Variants in TASP1 observed in about 807,000 individuals in gnomAD.
TASP1 encodes threonine aspartase 1.
In TASP1, 16 loss-of-function variants were observed where a neutral mutation model predicts 56.6. That is an observed-to-expected ratio of 0.28 (90% confidence interval 0.19 to 0.43). TASP1 has a LOEUF of 0.43. Ranked by LOEUF, TASP1 falls within the 20% of genes least tolerant of loss-of-function variation. The pLI is 1.00. For synonymous variants in TASP1, 179 were observed against 184.2 expected (o/e 0.97, Z 0.23); for missense variants, 393 against 511.6 (o/e 0.77, Z 2.24).
At chr20:13,483,873 C>A (rs1487276849) in intron 10 of TASP1, among the ~76,000 whole-genome samples, 1 of 152,132 alleles carries the variant, frequency 6.6e-6, no homozygotes, top group East Asian at 1.9e-4. Flanking sequence ...GAACAGGCAA[C>A]CTACAGAATG....
chr20:13,262,436 T>G, the TASP1 span, among the ~76,000 whole-genome samples: 1 of 152,064 alleles, frequency 6.6e-6, no homozygotes, highest in African/African-American at 2.4e-5. Flanking sequence ...ATGTTTTAGG[T>G]GATGTGTGAA....
chr20:13,192,494 C>G, the TASP1 span, among the ~76,000 whole-genome samples: 2 of 152,058 alleles, frequency 1.3e-5, no homozygotes, highest in African/African-American at 4.8e-5. Context: ...GAGCTCTGAT[C>G]AATGCACTCT....
the TASP1 span, among the ~76,000 whole-genome samples, chr20:13,379,040 C>G: frequency 4.6e-5 from 7 of 151,916 alleles, no homozygotes. Flanking sequence ...TTTGCCTCTC[C>G]GTGTCTTTTA....
At chr20:13,521,328 T>A (rs1452296942) in intron 10 of TASP1, among the ~76,000 whole-genome samples, 2 of 152,226 alleles carry the variant, frequency 1.3e-5, no homozygotes, top group East Asian at 1.9e-4. Flanking sequence ...TGCACACGTA[T>A]GTTTACTGTG....
chr20:13,305,922 C>T, the TASP1 span, among the ~76,000 whole-genome samples: 7 of 152,270 alleles, frequency 4.6e-5, no homozygotes, highest in South Asian at 4.1e-4. Flanking sequence ...TAACATCATC[C>T]TCAACCATTT....
intron 4 of TASP1, among the ~76,000 whole-genome samples, chr20:13,590,989 G>A (rs987653985): frequency 1.3e-5 from 2 of 150,636 alleles, no homozygotes; most frequent in East Asian, 1.9e-4. Context: ...AGCAATAAAC[G>A]TAATAATACA....
At chr20:13,462,880 C>T (rs1455668839) in intron 11 of TASP1, among the ~76,000 whole-genome samples, 3 of 151,836 alleles carry the variant, frequency 2.0e-5, no homozygotes, top group Non-Finnish European at 2.9e-5. Flanking sequence ...ATTAAAGGTA[C>T]AAAAAATGGA....
rs1382251009 is a variant in TASP1 at position 13,431,120 on chromosome 20, G to C, written c.1096+3924C>G. On this transcript the variant is annotated intron_variant, in intron 12 of 13. Coordinates refer to ENST00000337743, the MANE Select transcript of TASP1 (RefSeq NM_017714.3). ...AAAAAGTGATTAACAATACACAGCA[G>C]TTAAGTTTTTTTTTTTAATTTTGGA... 2.0e-5 allele frequency among the ~76,000 whole-genome samples: 3 copies of C among 151,820 alleles called. No individual in the cohort carries two copies. In the South Asian group the frequency reaches 6.2e-4, roughly 32 times the overall value.
chr20:13,387,352 C>T (rs2041171661), downstream of TASP1, among the ~76,000 whole-genome samples: 1 of 151,908 alleles, frequency 6.6e-6, no homozygotes. Context: ...CACCACCACG[C>T]CCAGCTTAAT....
At chr20:13,130,988 C>T in the TASP1 span, among the ~76,000 whole-genome samples, 1 of 152,146 alleles carries the variant, frequency 6.6e-6, no homozygotes, top group South Asian at 2.1e-4. Flanking sequence ...TGGTTCCACA[C>T]CAGTTGTGGC....
chr20:13,483,414 C>G (rs1415851894), intron 10 of TASP1, 77 bp from the exon 11 acceptor site: 3 of 866,760 alleles, frequency 3.5e-6, no homozygotes, highest in Non-Finnish European at 5.0e-6. Flanking sequence ...ATTAGAACAC[C>G]CTTATGCATC....
At chr20:13,134,062 G>T in the TASP1 span, among the ~76,000 whole-genome samples, 1 of 152,126 alleles carries the variant, frequency 6.6e-6, no homozygotes, top group Admixed American at 6.5e-5. Context: ...GCCATACAGG[G>T]TCATTCTCAG....
the TASP1 span, among the ~76,000 whole-genome samples, chr20:13,267,347 T>C: frequency 2.0e-5 from 3 of 152,184 alleles, no homozygotes; most frequent in Admixed American, 2.0e-4. Context: ...AATGCCACAG[T>C]TGTGTGCATA....
At chr20:13,524,479 C>T (rs2044894257) in intron 10 of TASP1, among the ~76,000 whole-genome samples, 1 of 152,100 alleles carries the variant, frequency 6.6e-6, no homozygotes, top group African/African-American at 2.4e-5. Flanking sequence ...CCCACACATA[C>T]ATTTCTTAAT....
chr20:13,613,369 T>C (rs2048413892), intron 4 of TASP1, among the ~76,000 whole-genome samples: 1 of 152,154 alleles, frequency 6.6e-6, no homozygotes, highest in Non-Finnish European at 1.5e-5. Flanking sequence ...CCAGGGAAGT[T>C]ATATATCCAT....
intron 11 of TASP1, among the ~76,000 whole-genome samples, chr20:13,456,695 T>G (rs1019475261): frequency 3.3e-5 from 5 of 152,100 alleles, no homozygotes; most frequent in African/African-American, 1.2e-4. Flanking sequence ...GTGACATCAG[T>G]GGCATTGAAA....
the TASP1 span, among the ~76,000 whole-genome samples, chr20:13,276,395 A>C: frequency 6.6e-6 from 1 of 151,902 alleles, no homozygotes. Flanking sequence ...CAATGTATTA[A>C]TTTTCAAGAG....
chr20:13,305,219 A>G, the TASP1 span, among the ~76,000 whole-genome samples: 1 of 132,622 alleles, frequency 7.5e-6, no homozygotes, highest in East Asian at 2.2e-4. Context: ...AAAAAAAAAA[A>G]CCCTTAATTT....
the TASP1 span, among the ~76,000 whole-genome samples, chr20:13,236,745 A>C: frequency 6.6e-6 from 1 of 152,252 alleles, no homozygotes; most frequent in Non-Finnish European, 1.5e-5. Flanking sequence ...GGGCCCAGGC[A>C]AGTCTGAAAT....
Sources: gnomAD v4.1 joint callset for allele counts (sites outside exome capture counted in the v4.1 genomes callset) on GRCh38, gnomAD v4.1.1 for gene constraint, MANE v1.5 for transcripts, NCBI Gene and HGNC (gene_info 2026-07-23, HGNC 2026-07-21) for gene names.